The following RYR3 variants were observed in gnomAD, a reference collection of about 807,000 sequenced individuals.
RYR3 encodes the protein ryanodine receptor 3, also known as brain ryanodine receptor-calcium release channel.
A neutral mutation model predicts 584.3 loss-of-function variants in RYR3; 207 were observed. The ratio of observed to expected loss-of-function variants is 0.35; its 90% CI spans 0.32 to 0.40. The LOEUF (loss-of-function observed/expected upper bound fraction) is 0.40. RYR3 is among the 10% of genes least tolerant of loss of function. The pLI, the probability that RYR3 is intolerant of heterozygous loss-of-function variation, is 1.00. For missense variants in RYR3, 5,616 were observed against 6,089.2 expected, an observed-to-expected ratio of 0.92 and a Z score of 2.59; for synonymous variants, 2,416 against 2,248.5, an observed-to-expected ratio of 1.07 and a Z score of -2.11.
intron 60 of RYR3, among the ~76,000 whole-genome samples, chr15:33,758,816 A>G (rs749125101): frequency 6.6e-6 from 1 of 152,224 alleles, no homozygotes; most frequent in African/African-American, 2.4e-5. Context: ...TGCCTCCTCA[A>G]GTGGGTCCCT....
chr15:33,808,119 A>T lies in RYR3; in HGVS notation c.10026+550A>T, dbSNP rs927776242. ...TGTGTGTCGGCTGCCATTCTCCCAA[A>T]CCTCTGCTCTACACTATGCAGTGAA... On this transcript the variant is annotated intron_variant, in intron 70 of 103. Transcript: ENST00000634891. Among the ~76,000 whole-genome samples the T allele has an allele frequency of 5.3e-5, 8 of 151,582 alleles. No individual in the cohort carries two copies. In the East Asian group the frequency reaches 1.4e-3, roughly 26 times the overall value.
intron 27 of RYR3, among the ~76,000 whole-genome samples, chr15:33,638,488 T>C (rs1385292277): frequency 1.3e-5 from 2 of 152,234 alleles, no homozygotes; most frequent in African/African-American, 4.8e-5. Flanking sequence ...GAGGAGGAGA[T>C]GAGAATCTCA....
intron 34 of RYR3, among the ~76,000 whole-genome samples, chr15:33,661,567 A>AGAGGG (rs576253443): frequency 2.6e-3 from 388 of 152,098 alleles, no homozygotes; most frequent in African/African-American, 9.1e-3. Context: ...GGGAGGGGGT[A>AGAGGG]GAGGGGATGG....
intron 1 of RYR3, among the ~76,000 whole-genome samples, chr15:33,366,297 G>C (rs1326812266): frequency 6.6e-6 from 1 of 151,934 alleles, no homozygotes; most frequent in Admixed American, 6.6e-5. Flanking sequence ...TTCTCTTCTT[G>C]GTCTTGTCTG....
chr15:33,400,372 C>T (rs527916053), intron 1 of RYR3, among the ~76,000 whole-genome samples: 17 of 152,304 alleles, frequency 1.1e-4, no homozygotes, highest in African/African-American at 3.4e-4. Flanking sequence ...TCCTTCCCCC[C>T]GCCACACACA....
chr15:33,820,295 T>C (rs1457893395), intron 77 of RYR3, among the ~76,000 whole-genome samples: 1 of 152,202 alleles, frequency 6.6e-6, no homozygotes, highest in East Asian at 1.9e-4. Flanking sequence ...TGTTGGGGTA[T>C]AGGAGCACCT....
chr15:33,656,379 G>T (rs1229043250), intron 32 of RYR3, among the ~76,000 whole-genome samples: 2 of 152,176 alleles, frequency 1.3e-5, no homozygotes, highest in African/African-American at 4.8e-5. Flanking sequence ...CCTCTCCTGT[G>T]CTCACTGCCG....
chr15:33,828,869 T>A (rs1381622651), intron 85 of RYR3, among the ~76,000 whole-genome samples: 1 of 152,216 alleles, frequency 6.6e-6, no homozygotes, highest in Non-Finnish European at 1.5e-5. Flanking sequence ...CCCACGTACA[T>A]GAAACAGCCT....
At chr15:33,835,781 G>A (rs897146702) in intron 87 of RYR3, among the ~76,000 whole-genome samples, 43 of 152,306 alleles carry the variant, frequency 2.8e-4, no homozygotes, top group African/African-American at 1.0e-3. Flanking sequence ...CTGGCCTTAC[G>A]GGAGGAGAGA....
chr15:33,587,014 C>T (rs2058885031), intron 16 of RYR3, among the ~76,000 whole-genome samples: 1 of 142,874 alleles, frequency 7.0e-6, no homozygotes, highest in Non-Finnish European at 1.6e-5. Flanking sequence ...CTCTGCTTGT[C>T]ATCATCTGGG....
intron 70 of RYR3, among the ~76,000 whole-genome samples, chr15:33,808,384 G>C (rs1192072218): frequency 6.6e-6 from 1 of 152,154 alleles, no homozygotes; most frequent in Non-Finnish European, 1.5e-5. Flanking sequence ...GAGTCATATT[G>C]CATATGCAGC....
At chr15:33,793,030 G>A (rs140517083) in intron 67 of RYR3, among the ~76,000 whole-genome samples, 3 of 152,254 alleles carry the variant, frequency 2.0e-5, no homozygotes, top group East Asian at 3.9e-4. Context: ...TCTGCCCAGC[G>A]AACTGCAAAT....
chr15:33,430,540 A>AT (rs1006330269), intron 1 of RYR3, among the ~76,000 whole-genome samples: 2 of 152,158 alleles, frequency 1.3e-5, no homozygotes, highest in African/African-American at 4.8e-5. Context: ...TTAGAAAGAA[A>AT]TTTAGAACAA....
At chr15:33,729,082 G>C in intron 47 of RYR3, 56 bp downstream of exon 47, 1 of 1,459,006 alleles carries the variant, frequency 6.9e-7, no homozygotes, top group Middle Eastern at 2.0e-4. Flanking sequence ...AATTAGTAAT[G>C]TTGGACTTCG....
At chr15:33,457,294 C>T (rs140419854) in intron 1 of RYR3, among the ~76,000 whole-genome samples, 2 of 152,134 alleles carry the variant, frequency 1.3e-5, no homozygotes, top group African/African-American at 2.4e-5. Flanking sequence ...AAAGAGATAT[C>T]TGTACTCTTA....
chr15:33,516,563 T>A (rs2053542099), intron 3 of RYR3, among the ~76,000 whole-genome samples: 1 of 152,138 alleles, frequency 6.6e-6, no homozygotes, highest in Admixed American at 6.5e-5. Flanking sequence ...CTTGAACTCC[T>A]GACCTCAAGT....
rs538674368 is a variant in RYR3 at position 33,616,784 on chromosome 15, C to T, written c.2357+3409C>T. 5.9e-5 allele frequency among the ~76,000 whole-genome samples: 9 copies of T among 152,254 alleles called. No individual in the cohort carries two copies. In the South Asian group the frequency reaches 8.3e-4, roughly 14 times the overall value. Reference sequence around the variant, plus strand: ...ATGAGCTCTGATATATTCCTGGCTTCGGGTCTCACAGCATGTTGTGATTTG... The same window carrying T: ...ATGAGCTCTGATATATTCCTGGCTTTGGGTCTCACAGCATGTTGTGATTTG... On this transcript the variant is annotated intron_variant, in intron 19 of 103. Transcript: ENST00000634891.
chr15:33,703,660 C>T (rs537766149), intron 42 of RYR3, among the ~76,000 whole-genome samples: 12 of 152,198 alleles, frequency 7.9e-5, no homozygotes, highest in African/African-American at 2.4e-4. Context: ...ATGAAATTTG[C>T]GGGAGACAAT....
chr15:33,753,483 G>C (rs1199360384), intron 57 of RYR3, among the ~76,000 whole-genome samples: 2 of 152,100 alleles, frequency 1.3e-5, no homozygotes, highest in Admixed American at 1.3e-4. Context: ...TGGTCAAATG[G>C]TGCTGGTGGG....
Sources: allele counts gnomAD v4.1 joint callset (sites outside exome capture counted in the v4.1 genomes callset), GRCh38; gene constraint gnomAD v4.1.1; transcripts MANE v1.5; gene names NCBI Gene and HGNC (gene_info 2026-07-23, HGNC 2026-07-21).